The following TXNDC15 variants were observed in gnomAD, a reference collection of about 807,000 sequenced individuals.
TXNDC15 encodes the protein thioredoxin domain-containing protein 15.
In TXNDC15, 24 loss-of-function variants were observed where a neutral mutation model predicts 35.0. That is an observed-to-expected ratio of 0.68 (90% CI 0.50 to 0.96). The LOEUF (loss-of-function observed/expected upper bound fraction) is 0.96. Ranked by LOEUF, TXNDC15 falls within the 40% of genes least tolerant of loss-of-function variation. TXNDC15 has a pLI of 0.00. For synonymous variants in TXNDC15, 169 were observed against 174.0 expected, an observed-to-expected ratio of 0.97 and a Z score of 0.23; for missense variants, 385 against 453.3, an observed-to-expected ratio of 0.85 and a Z score of 1.37.
chr5:134,888,995 G>A (rs1198836379), intron 2 of TXNDC15, among the ~76,000 whole-genome samples: 1 of 152,198 alleles, frequency 6.6e-6, no homozygotes, highest in Non-Finnish European at 1.5e-5. Flanking sequence ...GCTTATGTAA[G>A]AGAGGTAAAT....
At chr5:134,881,846 GCGGC>G (rs1750153863) in intron 1 of TXNDC15, among the ~76,000 whole-genome samples, 1 of 151,568 alleles carries the variant, frequency 6.6e-6, no homozygotes, top group African/African-American at 2.4e-5. Context: ...CCCGGACGGG[GCGGC>G]TGGCCAGGCA....
chr5:134,874,735 G>T (rs934173198), intron 1 of TXNDC15, among the ~76,000 whole-genome samples: 5 of 152,236 alleles, frequency 3.3e-5, no homozygotes, highest in Non-Finnish European at 7.3e-5. Flanking sequence ...GCCGGTGGAC[G>T]GGAGCCCGGG....
intron 1 of TXNDC15, among the ~76,000 whole-genome samples, chr5:134,882,137 C>T (rs1349584563): frequency 5.3e-5 from 8 of 151,148 alleles, no homozygotes; most frequent in African/African-American, 2.0e-4. Context: ...GACGGGGTGG[C>T]CGGGCAGAGA....
Position 134,874,528 on chromosome 5 carries a change from A to C in TXNDC15, c.101A>C (p.Glu34Ala). The stretch of plus-strand genomic sequence containing the variant: ...CTGGGACTTCCCGTCCGCGGCGTGG[A>C]GGGTGAGTGTGGGCCGGGGGCGGTG... The part of the protein sequence containing the change: ...WVLGLPVRGV[E>A]VAEESGRLWS... The change falls in exon 1 of 5, where the codon GAG (glutamate) becomes GCG (alanine). Residue 34 changes from glutamate (E) to alanine (A), a missense_variant and splice_region_variant. Coordinates refer to ENST00000358387, the MANE Select transcript of TXNDC15 (RefSeq NM_024715.4). 4.4e-6 allele frequency: 7 copies of C among 1,598,916 alleles called. No homozygotes were observed. Among genetic ancestry groups the C allele is most frequent in the Non-Finnish European group, 5.1e-6 (6 of 1,176,214 alleles).
intron 2 of TXNDC15, among the ~76,000 whole-genome samples, chr5:134,891,974 C>T (rs1006703229): frequency 5.3e-5 from 8 of 152,210 alleles, no homozygotes; most frequent in East Asian, 1.9e-4. Flanking sequence ...ACCGCAGCTA[C>T]ACTGGCCTCT....
Position 134,893,475 on chromosome 5 carries a change from T to C in TXNDC15, c.592-17T>C, listed in dbSNP as rs766127235. The C allele has an allele frequency of 6.2e-7, 1 of 1,613,552 alleles. No individual in the cohort carries two copies. The highest frequency in any genetic ancestry group is 1.1e-5 in the South Asian group (1 of 91,078). On this transcript the variant is annotated splice_polypyrimidine_tract_variant and intron_variant, in intron 2 of 4. Transcript: ENST00000358387. ...TACTTTTACTGCTAACTTTAATGCT[T>C]GTTTCTTTTACCACAGGACCTTATG...
intron 2 of TXNDC15, among the ~76,000 whole-genome samples, chr5:134,889,094 T>C (rs540110849): frequency 5.9e-5 from 9 of 152,332 alleles, no homozygotes; most frequent in Admixed American, 5.9e-4. Flanking sequence ...CGGCGCTGGC[T>C]TTGCATCCAC....
At position 134,891,692 on chromosome 5, in the gene TXNDC15, A is replaced by AGGTG. The variant is rs749616122; in HGVS notation, c.592-1794_592-1791dup. 3.3e-5 allele frequency among the ~76,000 whole-genome samples: 5 copies of AGGTG among 152,202 alleles called. No homozygotes were observed. The East Asian group carries it at 9.6e-4, about 29-fold the overall frequency. The stretch of plus-strand genomic sequence containing the variant: ...GTAATCCCAGTACTTTCAGAGGCCA[A>AGGTG]GGTGGGTGGATTGCTTAAACCTAGG... On this transcript the variant is annotated intron_variant, in intron 2 of 4. Coordinates refer to ENST00000358387, the MANE Select transcript of TXNDC15 (RefSeq NM_024715.4).
chr5:134,900,791 CTT>C lies in TXNDC15; in HGVS notation c.*1120_*1121del, dbSNP rs749306675. The stretch of plus-strand genomic sequence containing the variant: ...AGAGACAACATGTAATTTAAACAAA[CTT>C]TTTTTTTTTTTTTAGACAAAGTCTC... On this transcript the variant is annotated 3_prime_UTR_variant, in exon 5 of 5. Transcript: ENST00000358387. 1.0e-4 allele frequency: 15 copies of C among 143,328 alleles called. No homozygotes were observed. The highest frequency in any genetic ancestry group is 1.5e-4 in the Non-Finnish European group (10 of 64,998). 8.9% of individuals were successfully genotyped at this position (143,328 alleles called of 1,614,324 possible).
At chr5:134,898,340 T>C (rs188352604) in intron 4 of TXNDC15, among the ~76,000 whole-genome samples, 3 of 152,374 alleles carry the variant, frequency 2.0e-5, no homozygotes, top group Non-Finnish European at 4.4e-5. Flanking sequence ...CATATGGCCT[T>C]ATTTTTTATT....
chr5:134,890,300 G>C (rs539205544), intron 2 of TXNDC15, among the ~76,000 whole-genome samples: 6 of 152,092 alleles, frequency 3.9e-5, no homozygotes, highest in Non-Finnish European at 7.4e-5. Context: ...CCCTCAAAGT[G>C]TTGTGAGTCG....
At chr5:134,881,055 C>A (rs933146446) in intron 1 of TXNDC15, among the ~76,000 whole-genome samples, 1 of 151,150 alleles carries the variant, frequency 6.6e-6, no homozygotes, top group Non-Finnish European at 1.5e-5. Context: ...CTTCTCTTGC[C>A]AGTACTCCAG....
intron 2 of TXNDC15, among the ~76,000 whole-genome samples, chr5:134,888,673 G>C (rs574203176): frequency 6.6e-6 from 1 of 152,072 alleles, no homozygotes; most frequent in South Asian, 2.1e-4. Context: ...AGTAGAAATG[G>C]GTTTCACCAT....
chr5:134,879,225 C>T (rs748595407), intron 1 of TXNDC15, among the ~76,000 whole-genome samples: 5 of 152,210 alleles, frequency 3.3e-5, no homozygotes, highest in Non-Finnish European at 5.9e-5. Context: ...CACTCTTGAA[C>T]TTAAAATACC....
chr5:134,887,960 G>A lies in TXNDC15; in HGVS notation c.369G>A (p.Arg123=), dbSNP rs201053582. The A allele has an allele frequency of 9.3e-6, 15 of 1,614,226 alleles. No individual in the cohort carries two copies. Among genetic ancestry groups the A allele is most frequent in the Non-Finnish European group, 1.2e-5 (14 of 1,180,042 alleles). ...GTGCTGGAGGAGCGGAGGACTCAAGGTGCAACGTCCGAGAGAGCCTTTTCT... is the reference window on the plus strand; with the variant it reads ...GTGCTGGAGGAGCGGAGGACTCAAGATGCAACGTCCGAGAGAGCCTTTTCT... The part of the protein sequence containing the change: ...TCGAGGAEDS[R]CNVRESLFSL... The change falls in exon 2 of 5, where the codon AGG becomes AGA. Residue 123 remains arginine, a synonymous_variant. Coordinates refer to ENST00000358387, the MANE Select transcript of TXNDC15 (RefSeq NM_024715.4).
chr5:134,888,796 A>C (rs1163857842), intron 2 of TXNDC15, among the ~76,000 whole-genome samples: 4 of 152,132 alleles, frequency 2.6e-5, no homozygotes, highest in Non-Finnish European at 4.4e-5. Flanking sequence ...TTCTTCTTCC[A>C]AATGAAGTAT....
At chr5:134,896,075 G>A in intron 3 of TXNDC15, 1 of 420,982 alleles carries the variant, frequency 2.4e-6, no homozygotes, top group Non-Finnish European at 4.2e-6. Flanking sequence ...TATTATAATT[G>A]AAAGCAACTC....
intron 2 of TXNDC15, among the ~76,000 whole-genome samples, chr5:134,890,891 A>G (rs188301266): frequency 2.6e-5 from 4 of 152,378 alleles, no homozygotes; most frequent in South Asian, 2.1e-4. Flanking sequence ...TCATTTCAAC[A>G]GTGTTCACAG....
At chr5:134,879,050 C>T (rs1750091994) in intron 1 of TXNDC15, among the ~76,000 whole-genome samples, 1 of 152,184 alleles carries the variant, frequency 6.6e-6, no homozygotes, top group African/African-American at 2.4e-5. Flanking sequence ...CAATGACTGT[C>T]ACATAGTATG....
Sources: allele counts gnomAD v4.1 joint callset (sites outside exome capture counted in the v4.1 genomes callset), GRCh38; gene constraint gnomAD v4.1.1; transcripts MANE v1.5; gene names NCBI Gene and HGNC (gene_info 2026-07-23, HGNC 2026-07-21).